Variants in LIN52 observed in about 807,000 individuals in gnomAD.
LIN52 encodes the protein protein lin-52 homolog.
Under a neutral mutation model 18.5 loss-of-function variants are expected in LIN52, and 4 were observed. The observed-to-expected ratio is 0.22, with a 90% CI of 0.11 to 0.49. The LOEUF is 0.49. LIN52 is among the 20% of genes least tolerant of loss of function. The pLI is 0.97. For synonymous variants in LIN52, 34 were observed against 45.5 expected (o/e 0.75, Z 1.02); for missense variants, 102 against 139.5 (o/e 0.73, Z 1.35).
chr14:74,117,258 G>T (rs1256103001), intron 5 of LIN52, among the ~76,000 whole-genome samples: 1 of 152,214 alleles, frequency 6.6e-6, no homozygotes, highest in African/African-American at 2.4e-5. Flanking sequence ...TGGGTCATGG[G>T]CAAGAGACGA....
At chr14:74,157,722 G>A (rs1425278804) in intron 5 of LIN52, among the ~76,000 whole-genome samples, 1 of 151,842 alleles carries the variant, frequency 6.6e-6, no homozygotes, top group African/African-American at 2.4e-5. Context: ...GCATACTCCT[G>A]CTTATCAAAG....
intron 1 of LIN52, chr14:74,085,468 C>T (rs1192890393): frequency 6.5e-6 from 1 of 153,060 alleles, no homozygotes; most frequent in East Asian, 1.9e-4. Context: ...GCAAGAGAAA[C>T]ATGATCTCTC....
intron 5 of LIN52, among the ~76,000 whole-genome samples, chr14:74,179,048 C>G (rs1427553398): frequency 1.3e-5 from 2 of 152,066 alleles, no homozygotes; most frequent in African/African-American, 4.8e-5. Context: ...CACTACACTC[C>G]AGCCTGGGCA....
chr14:74,101,253 C>T lies in LIN52; in HGVS notation c.283+15C>T, dbSNP rs755536243. 29 of 1,586,178 alleles carry T rather than the reference C, an allele frequency of 1.8e-5. No individual in the cohort carries two copies. The highest frequency in any genetic ancestry group is 4.5e-5 in the East Asian group (2 of 44,170). On this transcript the variant is annotated intron_variant, in intron 5 of 5. Coordinates refer to ENST00000555028, the MANE Select transcript of LIN52 (RefSeq NM_001024674.3). ...GCTGGATGAGTGTGAGTACCCCGAT[C>T]GCATTTGTTCAGGGGTGTATTCCAC...
intron 1 of LIN52, among the ~76,000 whole-genome samples, chr14:74,086,963 G>A (rs913197456): frequency 2.6e-5 from 4 of 151,490 alleles, no homozygotes; most frequent in African/African-American, 9.7e-5. Flanking sequence ...AAAAAGCCAA[G>A]TAATACAAGT....
rs937690893 is a variant in LIN52 at position 74,149,718 on chromosome 14, A to G, written c.283+48480A>G. Among the ~76,000 whole-genome samples the G allele has an allele frequency of 7.2e-5, 11 of 152,298 alleles. No individual in the cohort carries two copies. In the East Asian group the frequency reaches 2.1e-3, roughly 29 times the overall value. ...ATTTAGCTTATAGTTGAAATATATAATATCTTTATCTGGGAGTCTGAGGTA... is the reference window on the plus strand; with the variant it reads ...ATTTAGCTTATAGTTGAAATATATAGTATCTTTATCTGGGAGTCTGAGGTA... On this transcript the variant is annotated intron_variant, in intron 5 of 5. Transcript: ENST00000555028.
At position 74,086,999 on chromosome 14, in the gene LIN52, A is replaced by G. The variant is rs145122005; in HGVS notation, c.19+2006A>G. Among the ~76,000 whole-genome samples the G allele has an allele frequency of 6.3e-3, 959 of 152,022 alleles. 6 individuals are homozygous for G. The highest frequency in any genetic ancestry group is 0.022 in the African/African-American group (926 of 41,468). On this transcript the variant is annotated intron_variant, in intron 1 of 5. Transcript: ENST00000555028. ...AGAAGTAATTGTTATTAAACTTTTT[A>G]GTTTATTTTTAAATTGTTTTTACAA...
intron 5 of LIN52, among the ~76,000 whole-genome samples, chr14:74,195,573 T>C (rs2078907635): frequency 1.3e-5 from 2 of 151,572 alleles, no homozygotes; most frequent in African/African-American, 4.9e-5. Context: ...TGTGTGTGTG[T>C]GTGCGCGTGT....
At chr14:74,197,910 C>T (rs1160642503) in intron 5 of LIN52, among the ~76,000 whole-genome samples, 2 of 152,212 alleles carry the variant, frequency 1.3e-5, no homozygotes, top group Non-Finnish European at 2.9e-5. Context: ...GGGTGAAGGT[C>T]CTTCTCATTC....
chr14:74,175,030 A>AATAATAATAATAATG (rs1413859976), intron 5 of LIN52, among the ~76,000 whole-genome samples: 1 of 148,672 alleles, frequency 6.7e-6, no homozygotes, highest in African/African-American at 2.5e-5. Flanking sequence ...AAATAATAAT[A>AATAATAATAATAATG]ATAATAATAA....
chr14:74,151,580 C>A (rs776249785), intron 5 of LIN52, among the ~76,000 whole-genome samples: 1 of 152,164 alleles, frequency 6.6e-6, no homozygotes, highest in Non-Finnish European at 1.5e-5. Context: ...TGAATAGATT[C>A]TCTTTTTTAA....
At chr14:74,153,390 T>TTAAATGC (rs1245219524) in intron 5 of LIN52, among the ~76,000 whole-genome samples, 9 of 152,314 alleles carry the variant, frequency 5.9e-5, no homozygotes, top group Admixed American at 4.6e-4. Flanking sequence ...GGTTATCTTC[T>TTAAATGC]AGAGAATACA....
intron 5 of LIN52, among the ~76,000 whole-genome samples, chr14:74,107,235 G>A (rs976454063): frequency 2.6e-5 from 4 of 152,146 alleles, no homozygotes; most frequent in African/African-American, 7.2e-5. Flanking sequence ...GTTGATGATC[G>A]CTTGGTTTAT....
At chr14:74,115,905 A>AT (rs751612724) in intron 5 of LIN52, among the ~76,000 whole-genome samples, 1 of 152,160 alleles carries the variant, frequency 6.6e-6, no homozygotes, top group Admixed American at 6.6e-5. Context: ...TTCTCTTCTG[A>AT]TTTTTTGTAG....
intron 5 of LIN52, among the ~76,000 whole-genome samples, chr14:74,193,247 CAAA>C (rs55829983): frequency 2.2e-5 from 3 of 139,530 alleles, no homozygotes; most frequent in African/African-American, 5.3e-5. Context: ...CCTGTCTCCA[CAAA>C]AAAAAAAAAA....
intron 1 of LIN52, among the ~76,000 whole-genome samples, chr14:74,086,716 G>T (rs2060734625): frequency 6.6e-6 from 1 of 152,024 alleles, no homozygotes; most frequent in African/African-American, 2.4e-5. Context: ...AGATTCTCCT[G>T]CCTGGGTGCG....
At chr14:74,086,753 C>G (rs2060734876) in intron 1 of LIN52, among the ~76,000 whole-genome samples, 1 of 151,918 alleles carries the variant, frequency 6.6e-6, no homozygotes, top group Non-Finnish European at 1.5e-5. Flanking sequence ...CTTCTCTTGC[C>G]AGAAAGAAGG....
chr14:74,196,253 GA>G (rs1298702721), intron 5 of LIN52, among the ~76,000 whole-genome samples: 1 of 152,210 alleles, frequency 6.6e-6, no homozygotes, highest in Non-Finnish European at 1.5e-5. Flanking sequence ...AGAGACTTCA[GA>G]ATATCTATTT....
chr14:74,111,600 C>T (rs1355305993), intron 5 of LIN52, among the ~76,000 whole-genome samples: 1 of 143,432 alleles, frequency 7.0e-6, no homozygotes, highest in Non-Finnish European at 1.5e-5. Flanking sequence ...CCATGCCCTG[C>T]CCCTGGTATT....
Sources: allele counts gnomAD v4.1 joint callset (sites outside exome capture counted in the v4.1 genomes callset), GRCh38; gene constraint gnomAD v4.1.1; transcripts MANE v1.5; gene names NCBI Gene and HGNC (gene_info 2026-07-23, HGNC 2026-07-21).